Variants in RPS6KC1 observed in about 807,000 individuals in gnomAD.
RPS6KC1 encodes the protein ribosomal protein S6 kinase C1, also known as inactive ribosomal protein S6 kinase delta-1.
Under a neutral mutation model 103.8 loss-of-function variants are expected in RPS6KC1, and 54 were observed. The ratio of observed to expected loss-of-function variants is 0.52; its 90% CI spans 0.42 to 0.65. The LOEUF is 0.65. Among genes scored for constraint, RPS6KC1 ranks in the 30% least tolerant of loss-of-function variants. The pLI, the probability that RPS6KC1 is intolerant of heterozygous loss-of-function variation, is 0.00. For synonymous variants in RPS6KC1, 439 were observed against 438.7 expected (o/e 1.00, Z -0.01); for missense variants, 1,151 against 1,253.8 (o/e 0.92, Z 1.24).
In RPS6KC1 at chr1:213,167,934, T is replaced by TA. The variant is rs2091140770; in HGVS notation, c.913dup (p.Ser305LysfsTer9). On this transcript the variant is annotated frameshift_variant, in exon 7 of 15. Transcript: ENST00000366960. LOFTEE classifies it high-confidence loss of function. ...ACCTCATGCGGGCAGAAAGTATCTC[T>TA]AGTCTTTATGGGAAACCTCAGCTTG... 1 of 1,611,972 alleles carries TA rather than the reference T, an allele frequency of 6.2e-7. No homozygotes were observed. Among genetic ancestry groups the TA allele is most frequent in the Non-Finnish European group, 8.5e-7 (1 of 1,178,168 alleles).
chr1:213,691,520 G>A, the RPS6KC1 span, among the ~76,000 whole-genome samples: 1 of 152,124 alleles, frequency 6.6e-6, no homozygotes, highest in Non-Finnish European at 1.5e-5. Flanking sequence ...AGAAACTTCT[G>A]CTGCTATCTC....
chr1:213,473,819 G>A, the RPS6KC1 span, among the ~76,000 whole-genome samples: 4 of 152,124 alleles, frequency 2.6e-5, no homozygotes, highest in Admixed American at 6.5e-5. Flanking sequence ...GATTCATTTC[G>A]AGAAGTTTTC....
chr1:213,634,187 A>T, the RPS6KC1 span, among the ~76,000 whole-genome samples: 6 of 152,186 alleles, frequency 3.9e-5, no homozygotes, highest in Non-Finnish European at 8.8e-5. Flanking sequence ...GAAGGTTAAC[A>T]AGGATATCCA....
chr1:213,216,725 A>C (rs2093674185), intron 8 of RPS6KC1, among the ~76,000 whole-genome samples: 1 of 152,222 alleles, frequency 6.6e-6, no homozygotes. Flanking sequence ...ACTCACTCAA[A>C]ACCACTCAAC....
the RPS6KC1 span, among the ~76,000 whole-genome samples, chr1:213,634,195 C>G: frequency 3.3e-5 from 5 of 152,120 alleles, no homozygotes; most frequent in African/African-American, 4.8e-5. Flanking sequence ...ACAAGGATAT[C>G]CAGGACTTGA....
chr1:213,515,615 C>A, the RPS6KC1 span, among the ~76,000 whole-genome samples: 1 of 152,100 alleles, frequency 6.6e-6, no homozygotes, highest in Non-Finnish European at 1.5e-5. Context: ...CAGTACCATG[C>A]TGTTTTGGTT....
chr1:213,535,907 G>C, the RPS6KC1 span, among the ~76,000 whole-genome samples: 2 of 152,128 alleles, frequency 1.3e-5, no homozygotes, highest in African/African-American at 2.4e-5. Flanking sequence ...CAATCTGAGA[G>C]CTGGGGGTGG....
chr1:213,108,869 T>G (rs1419283554), intron 4 of RPS6KC1, among the ~76,000 whole-genome samples: 1 of 151,426 alleles, frequency 6.6e-6, no homozygotes, highest in Non-Finnish European at 1.5e-5. Flanking sequence ...AGGCTGGTCT[T>G]GAACTCCTAG....
At chr1:213,357,900 T>C in the RPS6KC1 span, among the ~76,000 whole-genome samples, 1 of 152,160 alleles carries the variant, frequency 6.6e-6, no homozygotes, top group Non-Finnish European at 1.5e-5. Flanking sequence ...TGGTACCGCT[T>C]GGCATGAGGC....
At chr1:213,324,228 C>T in the RPS6KC1 span, among the ~76,000 whole-genome samples, 6 of 152,230 alleles carry the variant, frequency 3.9e-5, no homozygotes, top group South Asian at 4.1e-4. Flanking sequence ...TCAGTACCAA[C>T]GGAGTGAGGA....
chr1:213,478,049 C>T, the RPS6KC1 span, among the ~76,000 whole-genome samples: 25 of 152,082 alleles, frequency 1.6e-4, no homozygotes, highest in Non-Finnish European at 3.2e-4. Context: ...TCCCTCTAAC[C>T]CCGATCTTTT....
At chr1:213,558,055 C>T in the RPS6KC1 span, among the ~76,000 whole-genome samples, 1 of 152,200 alleles carries the variant, frequency 6.6e-6, no homozygotes, top group Admixed American at 6.5e-5. Context: ...CACACACAGA[C>T]ACACATGCAC....
At chr1:213,108,993 C>T (rs1301416248) in intron 4 of RPS6KC1, among the ~76,000 whole-genome samples, 1 of 152,014 alleles carries the variant, frequency 6.6e-6, no homozygotes, top group Non-Finnish European at 1.5e-5. Flanking sequence ...GTTTGATGCT[C>T]TCCCAACTGA....
At chr1:213,719,788 G>T in the RPS6KC1 span, among the ~76,000 whole-genome samples, 1 of 152,168 alleles carries the variant, frequency 6.6e-6, no homozygotes, top group African/African-American at 2.4e-5. Flanking sequence ...GTACGTGGAA[G>T]GTGGTATCCC....
At chr1:213,450,093 A>T in the RPS6KC1 span, among the ~76,000 whole-genome samples, 1 of 152,186 alleles carries the variant, frequency 6.6e-6, no homozygotes, top group Non-Finnish European at 1.5e-5. Flanking sequence ...TGGAGATGAT[A>T]GTACCTGCCT....
the RPS6KC1 span, among the ~76,000 whole-genome samples, chr1:213,626,729 A>G: frequency 6.6e-6 from 1 of 152,134 alleles, no homozygotes; most frequent in South Asian, 2.1e-4. Flanking sequence ...CAAAGATCAG[A>G]TAGTTGTAGA....
the RPS6KC1 span, among the ~76,000 whole-genome samples, chr1:213,857,984 A>G: frequency 6.6e-6 from 1 of 152,218 alleles, no homozygotes; most frequent in South Asian, 2.1e-4. Context: ...ATCAGGTTTA[A>G]CAGAGAAGCT....
chr1:213,327,172 G>T, the RPS6KC1 span, among the ~76,000 whole-genome samples: 1 of 151,646 alleles, frequency 6.6e-6, no homozygotes, highest in Non-Finnish European at 1.5e-5. Flanking sequence ...CAGTGCGGGG[G>T]TGTGAGCCCT....
chr1:213,190,804 A>G (rs2092718385), intron 8 of RPS6KC1, among the ~76,000 whole-genome samples: 1 of 152,150 alleles, frequency 6.6e-6, no homozygotes, highest in Admixed American at 6.5e-5. Context: ...TTAATAATCA[A>G]TTTTGATTTG....
Sources: allele counts gnomAD v4.1 joint callset (sites outside exome capture counted in the v4.1 genomes callset), GRCh38; gene constraint gnomAD v4.1.1; transcripts MANE v1.5; gene names NCBI Gene and HGNC (gene_info 2026-07-23, HGNC 2026-07-21).